PHLPP1: variants seen among roughly 807,000 people sequenced by gnomAD.
PHLPP1 encodes the protein PH domain leucine-rich repeat-containing protein phosphatase 1.
In PHLPP1, 42 loss-of-function variants were observed where a neutral mutation model predicts 117.2. The ratio of observed to expected loss-of-function variants is 0.36; its 90% CI spans 0.28 to 0.46. PHLPP1 has a LOEUF of 0.46. PHLPP1 is among the 20% of genes least tolerant of loss of function. The pLI is 1.00. For synonymous variants in PHLPP1, 1,042 were observed against 970.7 expected, an observed-to-expected ratio of 1.07 and a Z score of -1.37; for missense variants, 2,084 against 2,241.9, an observed-to-expected ratio of 0.93 and a Z score of 1.42.
chr18:62,954,385 A>G (rs1215301753), intron 12 of PHLPP1, among the ~76,000 whole-genome samples: 1 of 152,234 alleles, frequency 6.6e-6, no homozygotes, highest in African/African-American at 2.4e-5. Flanking sequence ...AGGTACATAT[A>G]TTAACAATAT....
At chr18:62,774,934 A>G (rs577467816) in intron 1 of PHLPP1, among the ~76,000 whole-genome samples, 3 of 151,974 alleles carry the variant, frequency 2.0e-5, no homozygotes, top group Admixed American at 6.6e-5. Context: ...TTTATAGCTA[A>G]TGTCTTAAAA....
intron 1 of PHLPP1, among the ~76,000 whole-genome samples, chr18:62,819,695 G>T (rs1914391148): frequency 6.6e-6 from 1 of 152,042 alleles, no homozygotes; most frequent in Non-Finnish European, 1.5e-5. Context: ...GCACAGGCTG[G>T]AGTGCAATGG....
rs201438089 is a variant in PHLPP1 at position 62,895,999 on chromosome 18, A to G, written c.2432A>G (p.His811Arg). The G allele has an allele frequency of 1.9e-6, 3 of 1,603,708 alleles. No individual in the cohort carries two copies. Among genetic ancestry groups the G allele is most frequent in the Admixed American group, 1.7e-5 (1 of 59,842 alleles). Residue 811 changes from histidine to arginine, a missense_variant, in exon 6 of 17, where the codon CAT becomes CGT. This residue lies in a region of PHLPP1 where 1,365 missense variants were observed against 1,605.9 expected (regional missense o/e 0.85). Transcript: ENST00000262719. ...QALRKMPHIK[H>R]VDLRLNVIRK... ...TTAAGAAAAATGCCTCACATTAAAC[A>G]TGTGGATCTAAGGTAACCATTTTTG... is the stretch of plus-strand genomic sequence containing the variant.
chr18:62,950,269 T>C (rs917739164), intron 12 of PHLPP1, among the ~76,000 whole-genome samples: 2 of 152,238 alleles, frequency 1.3e-5, no homozygotes, highest in African/African-American at 4.8e-5. Context: ...AGTGAACTTG[T>C]ATCTAAAATC....
chr18:62,726,625 C>T (rs2122053655), intron 1 of PHLPP1, among the ~76,000 whole-genome samples: 1 of 146,158 alleles, frequency 6.8e-6, no homozygotes, highest in Middle Eastern at 3.5e-3. Context: ...GCTCTGTCAC[C>T]CAGGCTGGAG....
At chr18:62,720,964 T>C (rs1239181627) in intron 1 of PHLPP1, among the ~76,000 whole-genome samples, 1 of 152,202 alleles carries the variant, frequency 6.6e-6, no homozygotes, top group Non-Finnish European at 1.5e-5. Context: ...ACTCGTCGTA[T>C]TTCCGTCCTC....
chr18:62,902,837 C>A (rs1916756493), intron 6 of PHLPP1, 127 bp from the exon 7 acceptor site: 1 of 628,890 alleles, frequency 1.6e-6, no homozygotes, highest in Non-Finnish European at 2.8e-6. Flanking sequence ...TGCTGAGATT[C>A]CAAAAATCAT....
intron 1 of PHLPP1, among the ~76,000 whole-genome samples, chr18:62,720,205 A>G (rs1444381317): frequency 1.3e-5 from 2 of 152,178 alleles, no homozygotes; most frequent in Non-Finnish European, 2.9e-5. Context: ...AGGTTGCTCG[A>G]CATAAGTTAT....
intron 1 of PHLPP1, among the ~76,000 whole-genome samples, chr18:62,792,507 T>G (rs1226543459): frequency 2.6e-5 from 4 of 152,208 alleles, no homozygotes; most frequent in Non-Finnish European, 5.9e-5. Context: ...CCTTGCCTTC[T>G]AATCAGTGTA....
At chr18:62,800,234 C>A (rs369632230) in intron 1 of PHLPP1, among the ~76,000 whole-genome samples, 12 of 152,282 alleles carry the variant, frequency 7.9e-5, no homozygotes, top group East Asian at 5.8e-4. Context: ...ATAGAAGGCC[C>A]TTTACACACT....
At chr18:62,878,136 C>T (rs916019568) in intron 4 of PHLPP1, among the ~76,000 whole-genome samples, 13 of 152,188 alleles carry the variant, frequency 8.5e-5, no homozygotes, top group Non-Finnish European at 1.5e-4. Flanking sequence ...TTAATGCCAA[C>T]ACTGTATTTG....
intron 4 of PHLPP1, among the ~76,000 whole-genome samples, chr18:62,874,916 G>T (rs1365183733): frequency 6.6e-6 from 1 of 152,136 alleles, no homozygotes; most frequent in Admixed American, 6.5e-5. Flanking sequence ...GACATTGTTC[G>T]AGGACCTGCT....
At chr18:62,953,240 A>G (rs985183303) in intron 12 of PHLPP1, among the ~76,000 whole-genome samples, 16 of 152,240 alleles carry the variant, frequency 1.1e-4, no homozygotes, top group African/African-American at 3.6e-4. Context: ...GACACGATCT[A>G]TAGGATCCAC....
intron 1 of PHLPP1, among the ~76,000 whole-genome samples, chr18:62,774,742 G>C (rs1283963119): frequency 6.6e-6 from 1 of 151,824 alleles, no homozygotes; most frequent in African/African-American, 2.4e-5. Flanking sequence ...AACATTGTGG[G>C]CTCATTCTTT....
At chr18:62,725,718 CTAA>C (rs1273874420) in intron 1 of PHLPP1, among the ~76,000 whole-genome samples, 2 of 152,140 alleles carry the variant, frequency 1.3e-5, no homozygotes, top group African/African-American at 4.8e-5. Flanking sequence ...ATATTTCCAG[CTAA>C]TTTTAGGGTA....
intron 1 of PHLPP1, 33 bp downstream of exon 1, chr18:62,717,292 C>G (rs1159648954): frequency 6.5e-7 from 1 of 1,535,892 alleles, no homozygotes; most frequent in African/African-American, 1.4e-5. Flanking sequence ...CGGGTGGTTG[C>G]AAAAGCTGCC....
chr18:62,803,878 G>A (rs1229046861), intron 1 of PHLPP1, among the ~76,000 whole-genome samples: 2 of 152,150 alleles, frequency 1.3e-5, no homozygotes, highest in Non-Finnish European at 1.5e-5. Context: ...AAGCTCAACC[G>A]TTGTGGTTGG....
In PHLPP1 at chr18:62,980,090, C is replaced by T. The variant is rs1911330539; in HGVS notation, c.*659C>T. 1 of 152,636 alleles carries T rather than the reference C, an allele frequency of 6.6e-6. No homozygotes were observed. Among genetic ancestry groups the T allele is most frequent in the Non-Finnish European group, 1.5e-5 (1 of 68,096 alleles). 9.5% of individuals were successfully genotyped at this position (152,636 alleles called of 1,614,324 possible). A position where few individuals can be genotyped will look rare whatever the true frequency, so the allele number is the denominator to read the frequency against. On this transcript the variant is annotated 3_prime_UTR_variant, in exon 17 of 17. Transcript: ENST00000262719. ...GTAAGGACACAGCCCAAGTAACTGA[C>T]GTTTCCCCTCCCCCTCCCCTCTGAG...
At chr18:62,960,672 T>G (rs1910741833) in intron 13 of PHLPP1, among the ~76,000 whole-genome samples, 1 of 152,200 alleles carries the variant, frequency 6.6e-6, no homozygotes, top group Non-Finnish European at 1.5e-5. Context: ...ATAAAATATT[T>G]GAATAACATT....
Sources: allele counts gnomAD v4.1 joint callset (sites outside exome capture counted in the v4.1 genomes callset), GRCh38; gene constraint gnomAD v4.1.1; regional missense constraint gnomAD v4.1.1; transcripts MANE v1.5; gene names NCBI Gene and HGNC (gene_info 2026-07-23, HGNC 2026-07-21).